The following PDE4D variants were observed in gnomAD, a reference collection of about 807,000 sequenced individuals.
The protein encoded by PDE4D is 3',5'-cyclic-AMP phosphodiesterase 4D.
Under a neutral mutation model 87.4 loss-of-function variants are expected in PDE4D, and 24 were observed. The observed-to-expected ratio is 0.27, with a 90% CI of 0.20 to 0.39. The LOEUF is 0.39. Ranked by LOEUF, PDE4D falls within the 10% of genes least tolerant of loss-of-function variation. The pLI is 1.00. For missense variants in PDE4D, 714 were observed against 1,041.0 expected, an observed-to-expected ratio of 0.69 and a Z score of 4.32; for synonymous variants, 384 against 383.2, an observed-to-expected ratio of 1.00 and a Z score of -0.02.
At chr5:60,057,184 T>C (rs1770873677) in intron 2 of PDE4D, among the ~76,000 whole-genome samples, 1 of 151,968 alleles carries the variant, frequency 6.6e-6, no homozygotes, top group South Asian at 2.1e-4. Context: ...ATTTAGATGA[T>C]GAAAGTAAAA....
chr5:59,273,556 G>A (rs114702096), intron 1 of PDE4D, among the ~76,000 whole-genome samples: 4,490 of 151,950 alleles, frequency 0.03, 240 homozygotes, highest in African/African-American at 0.1. Context: ...ATACCCAAGC[G>A]GTTATATTAT....
chr5:59,484,586 G>A (rs1163202350), intron 1 of PDE4D, among the ~76,000 whole-genome samples: 2 of 152,138 alleles, frequency 1.3e-5, no homozygotes, highest in African/African-American at 2.4e-5. Flanking sequence ...AATGATGTCC[G>A]TTCCCCTTCT....
chr5:59,980,349 T>C (rs1761792267), intron 3 of PDE4D, among the ~76,000 whole-genome samples: 1 of 152,218 alleles, frequency 6.6e-6, no homozygotes. Context: ...GTGCTTAATA[T>C]AGTATTGTGC....
intron 1 of PDE4D, among the ~76,000 whole-genome samples, chr5:59,268,402 G>C: frequency 6.6e-6 from 1 of 151,936 alleles, no homozygotes; most frequent in Non-Finnish European, 1.5e-5. Flanking sequence ...CATATCACTG[G>C]CACGGGCTCT....
At chr5:59,259,519 A>G (rs143834804) in intron 1 of PDE4D, among the ~76,000 whole-genome samples, 1 of 152,090 alleles carries the variant, frequency 6.6e-6, no homozygotes, top group East Asian at 1.9e-4. Context: ...TAACTTTTAC[A>G]TGGAACAAAA....
intron 1 of PDE4D, among the ~76,000 whole-genome samples, chr5:59,411,695 T>C (rs184818255): frequency 1.3e-5 from 2 of 152,308 alleles, no homozygotes; most frequent in Non-Finnish European, 2.9e-5. Flanking sequence ...AAAGACCTCA[T>C]TTTAATTTAA....
At chr5:59,631,615 G>A (rs1029075187) in intron 1 of PDE4D, among the ~76,000 whole-genome samples, 1 of 152,056 alleles carries the variant, frequency 6.6e-6, no homozygotes, top group African/African-American at 2.4e-5. Context: ...AGCAGGGTGG[G>A]GCGTCTCCCC....
chr5:59,715,665 G>A (rs1308683928), intron 1 of PDE4D, among the ~76,000 whole-genome samples: 1 of 152,222 alleles, frequency 6.6e-6, no homozygotes, highest in African/African-American at 2.4e-5. Context: ...TTGGCCACTG[G>A]CCCATGTGGG....
intron 1 of PDE4D, among the ~76,000 whole-genome samples, chr5:60,420,800 G>A (rs1056489401): frequency 1.3e-5 from 2 of 152,258 alleles, no homozygotes; most frequent in South Asian, 2.1e-4. Flanking sequence ...TCTAGCAAAG[G>A]GAAGCCATGA....
intron 1 of PDE4D, among the ~76,000 whole-genome samples, chr5:59,346,269 T>A (rs775833999): frequency 1.3e-5 from 2 of 152,176 alleles, no homozygotes; most frequent in Non-Finnish European, 2.9e-5. Context: ...ATGTTGGTTA[T>A]ATGAGTAAAT....
chr5:60,141,226 A>G (rs1780508429), intron 2 of PDE4D, among the ~76,000 whole-genome samples: 2 of 152,166 alleles, frequency 1.3e-5, no homozygotes, highest in Non-Finnish European at 2.9e-5. Context: ...GGTGGGTGAC[A>G]GAAAGCAATG....
At chr5:59,515,328 G>A (rs1163556189) in intron 1 of PDE4D, among the ~76,000 whole-genome samples, 1 of 152,200 alleles carries the variant, frequency 6.6e-6, no homozygotes, top group African/African-American at 2.4e-5. Flanking sequence ...CTGGGAGCTT[G>A]TTAGAAATGC....
intron 1 of PDE4D, among the ~76,000 whole-genome samples, chr5:59,844,662 GC>G (rs1743546081): frequency 6.6e-6 from 1 of 151,926 alleles, no homozygotes; most frequent in African/African-American, 2.4e-5. Context: ...TTTTAAGATG[GC>G]CCCCAAGATT....
At chr5:59,325,237 G>GA (rs1231780959) in intron 1 of PDE4D, among the ~76,000 whole-genome samples, 3 of 152,124 alleles carry the variant, frequency 2.0e-5, no homozygotes, top group Non-Finnish European at 4.4e-5. Flanking sequence ...TTAAAAGGGG[G>GA]AAACCTAACA....
At chr5:59,476,378 T>C (rs1470945174) in intron 1 of PDE4D, among the ~76,000 whole-genome samples, 3 of 152,120 alleles carry the variant, frequency 2.0e-5, no homozygotes, top group Non-Finnish European at 4.4e-5. Context: ...TGTAAACCTA[T>C]AATTTGGTAC....
At chr5:60,445,182 G>A (rs1158925826) in intron 1 of PDE4D, among the ~76,000 whole-genome samples, 3 of 152,104 alleles carry the variant, frequency 2.0e-5, no homozygotes, top group Non-Finnish European at 2.9e-5. Context: ...CGACCATCTG[G>A]TCAGGAGATG....
intron 1 of PDE4D, among the ~76,000 whole-genome samples, chr5:59,512,347 T>C (rs1264897892): frequency 6.6e-6 from 1 of 152,154 alleles, no homozygotes; most frequent in Non-Finnish European, 1.5e-5. Context: ...ATCAAACTTG[T>C]AGCACGCATG....
At chr5:59,436,151 T>C (rs553475136) in intron 1 of PDE4D, among the ~76,000 whole-genome samples, 34 of 152,314 alleles carry the variant, frequency 2.2e-4, no homozygotes, top group African/African-American at 7.9e-4. Context: ...ACATTAGCTT[T>C]TCTTGTTAAT....
chr5:59,157,544 A>C (rs563742370), intron 5 of PDE4D, among the ~76,000 whole-genome samples: 197 of 152,364 alleles, frequency 1.3e-3, no homozygotes, highest in Non-Finnish European at 2.3e-3. Context: ...GCTCCTGATC[A>C]TAATGACATT....
Sources: gnomAD v4.1 joint callset for allele counts (sites outside exome capture counted in the v4.1 genomes callset) on GRCh38, gnomAD v4.1.1 for gene constraint, MANE v1.5 for transcripts, NCBI Gene and HGNC (gene_info 2026-07-23, HGNC 2026-07-21) for gene names.